The following PUDP variants were observed in gnomAD, a reference collection of about 807,000 sequenced individuals.
PUDP encodes pseudouridine 5'-phosphatase.
A neutral mutation model predicts 9.4 loss-of-function variants in PUDP; 8 were observed. The ratio of observed to expected loss-of-function variants is 0.85; its 90% CI spans 0.50 to 1.53. The LOEUF (loss-of-function observed/expected upper bound fraction) is 1.53. Ranked by LOEUF, PUDP falls within the 40% of genes most tolerant of loss-of-function variation. PUDP has a pLI of 0.00. For synonymous variants in PUDP, 99 were observed against 80.7 expected, an observed-to-expected ratio of 1.23 and a Z score of -1.22; for missense variants, 188 against 189.7, an observed-to-expected ratio of 0.99 and a Z score of 0.05.
chrX:6,782,892 T>C (rs1181662124), intron 3 of PUDP, among the ~76,000 whole-genome samples: 1 of 112,104 alleles, frequency 8.9e-6, no homozygotes, highest in African/African-American at 3.2e-5. Flanking sequence ...TTCTCCGTGA[T>C]TTCTCTCCTG....
At chrX:7,087,085 A>G (rs979303888) in intron 2 of PUDP, among the ~76,000 whole-genome samples, 5 of 111,825 alleles carry the variant, frequency 4.5e-5, no homozygotes, top group African/African-American at 6.5e-5. Context: ...CTGGCTTGAC[A>G]GTGCTCTCCC....
At chrX:7,084,374 G>C (rs184857036) in intron 2 of PUDP, among the ~76,000 whole-genome samples, 2 of 112,321 alleles carry the variant, frequency 1.8e-5, no homozygotes, top group East Asian at 5.6e-4. Context: ...CATCCTCTCT[G>C]TTCTTAGGAA....
At chrX:7,100,341 A>G (rs1237817439) in intron 2 of PUDP, among the ~76,000 whole-genome samples, 1 of 110,340 alleles carries the variant, frequency 9.1e-6, no homozygotes, top group Non-Finnish European at 1.9e-5. Flanking sequence ...TCTACCATTC[A>G]CTCCGGCAAT....
At chrX:6,781,021 C>T (rs1172098171) in intron 3 of PUDP, among the ~76,000 whole-genome samples, 3 of 110,657 alleles carry the variant, frequency 2.7e-5, no homozygotes, top group South Asian at 3.9e-4. Flanking sequence ...GGTGACAGAG[C>T]GAGACTCTGT....
intron 1 of PUDP, among the ~76,000 whole-genome samples, chrX:7,008,399 A>C (rs755668910): frequency 2.7e-5 from 3 of 110,912 alleles, no homozygotes; most frequent in African/African-American, 9.9e-5. Context: ...TAATATTTGC[A>C]TGATCTTTGC....
intron 3 of PUDP, among the ~76,000 whole-genome samples, chrX:6,814,760 C>T (rs2146702942): frequency 8.9e-6 from 1 of 111,770 alleles, no homozygotes; most frequent in African/African-American, 3.2e-5. Context: ...AGAACCAAAG[C>T]TAATGGGAGC....
chrX:6,938,661 A>G (rs1378088631), intron 3 of PUDP, among the ~76,000 whole-genome samples: 6 of 109,563 alleles, frequency 5.5e-5, no homozygotes, highest in African/African-American at 2.0e-4. Flanking sequence ...TGGGAGGATT[A>G]AAGTGAGGAC....
intron 3 of PUDP, among the ~76,000 whole-genome samples, chrX:7,069,220 A>G (rs958382406): frequency 9.0e-6 from 1 of 111,448 alleles, no homozygotes; most frequent in African/African-American, 3.3e-5. Context: ...TGGTTTCAGC[A>G]GTCAGGAGCG....
chrX:7,031,611 AAAAC>A (rs201588005), intron 1 of PUDP, among the ~76,000 whole-genome samples: 76 of 112,441 alleles, frequency 6.8e-4, no homozygotes, highest in East Asian at 5.0e-3. Context: ...TATATTTTAA[AAAAC>A]AAACAAACAA....
At position 6,846,162 on chromosome X, in the gene PUDP, A is replaced by G. The variant is rs764362557; in HGVS notation, c.*247+130971T>C. Among the ~76,000 whole-genome samples the G allele has an allele frequency of 4.2e-3, 467 of 110,890 alleles. 1 individual carries two copies. Among genetic ancestry groups the G allele is most frequent in the Non-Finnish European group, 7.0e-3 (369 of 52,940 alleles). ...TTGAAAAGTGTCAGTTTTCTCTGGGAGGCCGAGGCGGGCGGGCGGATCACG... is the reference window on the plus strand; with the variant it reads ...TTGAAAAGTGTCAGTTTTCTCTGGGGGGCCGAGGCGGGCGGGCGGATCACG... On this transcript the variant is annotated intron_variant and NMD_transcript_variant, in intron 3 of 3. Coordinates refer to the PUDP transcript ENST00000655425.
At chrX:6,817,297 T>C (rs2146705078) in intron 3 of PUDP, among the ~76,000 whole-genome samples, 1 of 110,441 alleles carries the variant, frequency 9.1e-6, no homozygotes, top group Admixed American at 9.8e-5. Context: ...AGTCTCAAAC[T>C]CCTGGCCTCA....
At chrX:6,984,613 C>T (rs969996634) in intron 1 of PUDP, among the ~76,000 whole-genome samples, 1 of 111,435 alleles carries the variant, frequency 9.0e-6, no homozygotes, top group African/African-American at 3.3e-5. Context: ...AGTAATGCCA[C>T]ACCCAGAGCC....
At chrX:7,015,525 G>A (rs1035134172) in intron 1 of PUDP, among the ~76,000 whole-genome samples, 2 of 111,525 alleles carry the variant, frequency 1.8e-5, no homozygotes, top group Non-Finnish European at 3.8e-5. Context: ...TTTCTGGAAC[G>A]GAGGTCTTAG....
intron 3 of PUDP, among the ~76,000 whole-genome samples, chrX:6,914,057 C>A (rs1454466836): frequency 9.3e-6 from 1 of 107,250 alleles, no homozygotes; most frequent in Non-Finnish European, 1.9e-5. Flanking sequence ...GTCCCAGCTA[C>A]TCGGGAGGCT....
At chrX:7,090,542 G>A (rs1277259933) in intron 2 of PUDP, among the ~76,000 whole-genome samples, 1 of 111,574 alleles carries the variant, frequency 9.0e-6, no homozygotes, top group Non-Finnish European at 1.9e-5. Flanking sequence ...ATTAAATTGC[G>A]CTTACAATAG....
chrX:6,772,671 CTG>C (rs930553197), intron 3 of PUDP, among the ~76,000 whole-genome samples: 25 of 109,282 alleles, frequency 2.3e-4, no homozygotes, highest in African/African-American at 6.6e-5. Flanking sequence ...TGGCTCATGC[CTG>C]TATTCCCAGC....
intron 3 of PUDP, among the ~76,000 whole-genome samples, chrX:6,922,026 CACTT>C (rs1928032065): frequency 9.0e-6 from 1 of 110,965 alleles, no homozygotes; most frequent in Non-Finnish European, 1.9e-5. Flanking sequence ...CACATATTCT[CACTT>C]ATTTGTGGGA....
intron 3 of PUDP, among the ~76,000 whole-genome samples, chrX:6,947,829 T>A (rs1375786298): frequency 1.8e-5 from 2 of 111,150 alleles, no homozygotes; most frequent in African/African-American, 6.5e-5. Flanking sequence ...AATAAAGCTG[T>A]TTGAATTGCA....
chrX:7,110,386 C>T (rs766847391), intron 1 of PUDP, among the ~76,000 whole-genome samples: 5 of 112,369 alleles, frequency 4.4e-5, no homozygotes, highest in African/African-American at 1.6e-4. Flanking sequence ...ATATAAAAAG[C>T]GAGGGTTTCT....
Sources: gnomAD v4.1 joint callset for allele counts (sites outside exome capture counted in the v4.1 genomes callset) on GRCh38, gnomAD v4.1.1 for gene constraint, MANE v1.5 for transcripts, NCBI Gene and HGNC (gene_info 2026-07-23, HGNC 2026-07-21) for gene names.